Variants in TMEM108 observed in about 807,000 individuals in gnomAD.
TMEM108 encodes transmembrane protein 108.
A neutral mutation model predicts 35.1 loss-of-function variants in TMEM108; 12 were observed. That is an observed-to-expected ratio of 0.34 (90% CI 0.22 to 0.55). The LOEUF (loss-of-function observed/expected upper bound fraction) is 0.55, where lower values mean the gene tolerates loss of function less well. TMEM108 is among the 20% of genes least tolerant of loss of function. TMEM108 has a pLI of 0.89. For missense variants in TMEM108, 680 were observed against 753.3 expected (o/e 0.90, Z 1.14); for synonymous variants, 287 against 308.6 (o/e 0.93, Z 0.73).
At chr3:133,315,287 A>G (rs1301124261) in intron 3 of TMEM108, among the ~76,000 whole-genome samples, 1 of 152,234 alleles carries the variant, frequency 6.6e-6, no homozygotes, top group Non-Finnish European at 1.5e-5. Flanking sequence ...GGTGACCCGC[A>G]ATAAAGAGAA....
chr3:133,043,575 A>T (rs147272099), intron 1 of TMEM108, among the ~76,000 whole-genome samples: 26 of 152,080 alleles, frequency 1.7e-4, no homozygotes, highest in African/African-American at 6.3e-4. Flanking sequence ...TTTCAAATTC[A>T]TGTTGCTTTA....
chr3:133,315,945 T>G (rs1454990012), intron 3 of TMEM108, among the ~76,000 whole-genome samples: 1 of 152,248 alleles, frequency 6.6e-6, no homozygotes, highest in African/African-American at 2.4e-5. Context: ...CAGCTTTAGC[T>G]AGCACATGTC....
chr3:133,178,557 G>T (rs1308234941), intron 2 of TMEM108, among the ~76,000 whole-genome samples: 36 of 152,104 alleles, frequency 2.4e-4, no homozygotes, highest in African/African-American at 8.5e-4. Flanking sequence ...AAGCAATGGG[G>T]AAAGGATTCC....
At chr3:133,060,335 CA>C (rs1017060962) in intron 2 of TMEM108, among the ~76,000 whole-genome samples, 3 of 152,174 alleles carry the variant, frequency 2.0e-5, no homozygotes, top group African/African-American at 7.2e-5. Context: ...TGCCCAAGGT[CA>C]GTCAGTAGCT....
intron 2 of TMEM108, among the ~76,000 whole-genome samples, chr3:133,062,508 A>G (rs762289772): frequency 6.6e-6 from 1 of 152,202 alleles, no homozygotes; most frequent in Non-Finnish European, 1.5e-5. Flanking sequence ...CCTCTTTTAT[A>G]GTCTTACCAT....
intron 3 of TMEM108, among the ~76,000 whole-genome samples, chr3:133,370,731 G>T (rs1029522037): frequency 2.0e-5 from 3 of 152,210 alleles, no homozygotes; most frequent in Non-Finnish European, 4.4e-5. Flanking sequence ...AACACTTTTC[G>T]TATGTGAGTT....
chr3:133,169,735 C>G (rs909306655), intron 2 of TMEM108, among the ~76,000 whole-genome samples: 2 of 152,184 alleles, frequency 1.3e-5, no homozygotes, highest in Non-Finnish European at 2.9e-5. Context: ...GTTGCTCTAC[C>G]TGAGAAGAAT....
At chr3:133,385,334 C>A (rs115432328) in intron 4 of TMEM108, among the ~76,000 whole-genome samples, 1 of 152,146 alleles carries the variant, frequency 6.6e-6, no homozygotes, top group African/African-American at 2.4e-5. Flanking sequence ...AGACCCATAC[C>A]CTGACAGCTC....
At chr3:133,065,283 G>GCC (rs1171332108) in intron 2 of TMEM108, among the ~76,000 whole-genome samples, 1 of 137,392 alleles carries the variant, frequency 7.3e-6, no homozygotes, top group Non-Finnish European at 1.7e-5. Flanking sequence ...TACATAGGTA[G>GCC]CCACACACAC....
intron 2 of TMEM108, among the ~76,000 whole-genome samples, chr3:133,154,295 T>G (rs1237331735): frequency 1.3e-5 from 2 of 152,050 alleles, no homozygotes; most frequent in Non-Finnish European, 2.9e-5. Flanking sequence ...TTAGTTTAAT[T>G]AGATCCCATT....
At chr3:133,282,109 A>T (rs1946922290) in intron 3 of TMEM108, among the ~76,000 whole-genome samples, 1 of 152,010 alleles carries the variant, frequency 6.6e-6, no homozygotes, top group South Asian at 2.1e-4. Context: ...GTGAGCCGAG[A>T]TCACACCACT....
At chr3:133,168,409 G>A (rs1319990265) in intron 2 of TMEM108, among the ~76,000 whole-genome samples, 3 of 152,140 alleles carry the variant, frequency 2.0e-5, no homozygotes. Context: ...AAGAGATCAG[G>A]GGAGAGAGAG....
intron 3 of TMEM108, among the ~76,000 whole-genome samples, chr3:133,308,875 T>C (rs2071083570): frequency 6.6e-6 from 1 of 152,226 alleles, no homozygotes; most frequent in South Asian, 2.1e-4. Flanking sequence ...ACTGGCCTCA[T>C]AAAACTAGTT....
At chr3:133,205,804 T>G (rs1266959737) in intron 2 of TMEM108, among the ~76,000 whole-genome samples, 2 of 152,180 alleles carry the variant, frequency 1.3e-5, no homozygotes, top group Non-Finnish European at 2.9e-5. Context: ...AGGAGTATCT[T>G]TGTGGTGCTC....
intron 2 of TMEM108, among the ~76,000 whole-genome samples, chr3:133,098,225 A>G (rs963248862): frequency 6.6e-6 from 1 of 152,186 alleles, no homozygotes; most frequent in African/African-American, 2.4e-5. Context: ...GCGGCAAGAG[A>G]AAAATGAGGA....
At chr3:133,207,149 G>T (rs4306857) in intron 2 of TMEM108, among the ~76,000 whole-genome samples, 9 of 151,924 alleles carry the variant, frequency 5.9e-5, no homozygotes, top group Non-Finnish European at 1.0e-4. Context: ...CTGGTGTTGC[G>T]AAGACCATGG....
At chr3:133,132,139 G>T (rs1220871804) in intron 2 of TMEM108, among the ~76,000 whole-genome samples, 1 of 152,180 alleles carries the variant, frequency 6.6e-6, no homozygotes, top group Non-Finnish European at 1.5e-5. Context: ...CGCAGCAAGT[G>T]CTCATGGAGA....
rs1173465279 is a variant in TMEM108, at chr3:133,381,112, G to A, written c.1401G>A (p.Met467Ile). The change falls in exon 4 of 6, where the codon ATG becomes ATA. Residue 467 changes from methionine (M) to isoleucine (I), a missense_variant. Met to Ile is a conservative substitution (Grantham distance 10, BLOSUM62 1). Coordinates refer to ENST00000321871, the MANE Select transcript of TMEM108 (RefSeq NM_023943.4). ...QHRATICLSKMDIAWVILAIS... is the reference protein window; with the variant it reads ...QHRATICLSKIDIAWVILAIS... ...GAGCCACCATCTGCCTGAGCAAGAT[G>A]GATATCGCCTGGGTGATCCTGGCCA... is the stretch of plus-strand genomic sequence containing the variant. 3 of 1,612,652 alleles carry A rather than the reference G, an allele frequency of 1.9e-6. No individual in the cohort carries two copies. The highest frequency in any genetic ancestry group is 2.7e-5 in the African/African-American group (2 of 74,894).
intron 4 of TMEM108, among the ~76,000 whole-genome samples, chr3:133,383,173 T>C (rs925168807): frequency 6.6e-6 from 1 of 152,192 alleles, no homozygotes. Flanking sequence ...TTTCCAATCT[T>C]TACATGTGTC....
Sources: gnomAD v4.1 joint callset for allele counts (sites outside exome capture counted in the v4.1 genomes callset) on GRCh38, gnomAD v4.1.1 for gene constraint, MANE v1.5 for transcripts, NCBI Gene and HGNC (gene_info 2026-07-23, HGNC 2026-07-21) for gene names.